Variants in HIPK2 observed in about 807,000 individuals in gnomAD.
HIPK2 encodes homeodomain-interacting protein kinase 2.
A neutral mutation model predicts 113.7 loss-of-function variants in HIPK2; 27 were observed. The observed-to-expected ratio is 0.24, with a 90% CI of 0.17 to 0.33. HIPK2 has a LOEUF of 0.33. Among genes scored for constraint, HIPK2 ranks in the 10% least tolerant of loss-of-function variants. HIPK2 has a pLI of 1.00. For synonymous variants in HIPK2, 631 were observed against 642.2 expected, an observed-to-expected ratio of 0.98 and a Z score of 0.26; for missense variants, 1,257 against 1,588.0, an observed-to-expected ratio of 0.79 and a Z score of 3.54.
chr7:139,573,772 T>C (rs934638958), intron 14 of HIPK2, among the ~76,000 whole-genome samples: 1 of 150,592 alleles, frequency 6.6e-6, no homozygotes, highest in Non-Finnish European at 1.5e-5. Context: ...CACTTGAACC[T>C]GGGAGGTAGA....
intron 1 of HIPK2, among the ~76,000 whole-genome samples, chr7:139,737,503 A>C (rs1264600670): frequency 1.3e-5 from 2 of 152,168 alleles, no homozygotes; most frequent in African/African-American, 2.4e-5. Flanking sequence ...AAATCACTGC[A>C]ATTTGCTCAT....
intron 1 of HIPK2, among the ~76,000 whole-genome samples, chr7:139,774,612 G>A (rs1249093998): frequency 2.0e-5 from 3 of 152,170 alleles, no homozygotes; most frequent in Non-Finnish European, 2.9e-5. Flanking sequence ...GCAGCAGACA[G>A]TTTTTGGAAG....
In HIPK2 at chr7:139,613,322, G is replaced by A. The variant is rs1169106559; in HGVS notation, c.1992C>T (p.Gly664=). The part of the protein sequence containing the change: ...ALIVCPPGFQ[G]LQASPSKHAG... Reference sequence around the variant, plus strand: ...CGTGCTTAGAGGGAGAGGCCTGCAAGCCTGTTCCAGACAGTGTGAGGGAGA... The same window carrying A: ...CGTGCTTAGAGGGAGAGGCCTGCAAACCTGTTCCAGACAGTGTGAGGGAGA... Residue 664 remains glycine (G), a splice_region_variant and synonymous_variant, in exon 9 of 15, where the codon GGC becomes GGT. Coordinates refer to ENST00000406875, the MANE Select transcript of HIPK2 (RefSeq NM_022740.5). This position sits in a 1 kb window ranked among gnomAD's most constrained non-coding sequence, Gnocchi z 4.2. 6.2e-7 allele frequency: 1 copy of A among 1,613,254 alleles called. No individual in the cohort carries two copies. Among genetic ancestry groups the A allele is most frequent in the Admixed American group, 1.7e-5 (1 of 59,952 alleles).
intron 2 of HIPK2, among the ~76,000 whole-genome samples, chr7:139,688,065 T>A (rs1228282406): frequency 6.6e-6 from 1 of 152,124 alleles, no homozygotes; most frequent in South Asian, 2.1e-4. Context: ...AGGCAGCCCA[T>A]TGGGCCTGCA....
Position 139,716,484 on chromosome 7 carries a change from T to C in HIPK2, c.551A>G (p.Tyr184Cys). The C allele has an allele frequency of 1.2e-6, 2 of 1,614,036 alleles. No individual in the cohort carries two copies. The highest frequency in any genetic ancestry group is 1.7e-6 in the Non-Finnish European group (2 of 1,179,892). Reference protein sequence around the residue: ...KNSGSNSEGDYQLVQHEVLCS... With the variant: ...KNSGSNSEGDCQLVQHEVLCS... ...CAGCACCTCATGCTGCACCAGCTGA[T>C]AGTCGCCCTCGCTGTTGGAGCCGCT... is the stretch of plus-strand genomic sequence containing the variant. The change falls in exon 2 of 15, where the codon TAT becomes TGT. Residue 184 changes from tyrosine (Y) to cysteine (C), a missense_variant. This residue lies in a region of HIPK2 where 78 missense variants were observed against 145.7 expected (regional missense o/e 0.54). Transcript: ENST00000406875. The surrounding 1 kb of genome is among the most constrained non-coding windows in gnomAD (Gnocchi z 9.3).
intron 2 of HIPK2, among the ~76,000 whole-genome samples, chr7:139,634,520 T>C (rs547674661): frequency 9.9e-5 from 15 of 152,136 alleles, no homozygotes; most frequent in African/African-American, 3.6e-4. Flanking sequence ...CCTGTGTCAG[T>C]GTTGGCCACA....
intron 1 of HIPK2, among the ~76,000 whole-genome samples, chr7:139,767,452 C>T (rs1284762337): frequency 1.3e-5 from 2 of 152,182 alleles, no homozygotes; most frequent in East Asian, 3.8e-4. Context: ...GGGAGCCTGG[C>T]TCTGTGGGTA....
At chr7:139,677,087 C>A (rs1478856856) in intron 2 of HIPK2, among the ~76,000 whole-genome samples, 5 of 151,990 alleles carry the variant, frequency 3.3e-5, no homozygotes, top group Admixed American at 2.6e-4. Context: ...TCTCGAACTC[C>A]TGACCTCAGG....
Position 139,678,428 on chromosome 7 carries a change from T to A in HIPK2, c.1103+37504A>T, listed in dbSNP as rs559407914. Among the ~76,000 whole-genome samples, 4 of 152,348 alleles carry A rather than the reference T, an allele frequency of 2.6e-5. No individual in the cohort carries two copies. In the East Asian group the frequency reaches 5.8e-4, roughly 22 times the overall value. The stretch of plus-strand genomic sequence containing the variant: ...AGTTTTCCCAACATCATTTATTAAA[T>A]AGGGAATCCTTCCCCACTGCTAGTT... On this transcript the variant is annotated intron_variant, in intron 2 of 14. Transcript: ENST00000406875.
chr7:139,617,523 A>G (rs1800098777), intron 7 of HIPK2, among the ~76,000 whole-genome samples: 1 of 152,250 alleles, frequency 6.6e-6, no homozygotes, highest in Admixed American at 6.5e-5. Context: ...AGGTCCAAAT[A>G]ATAGAATTCC....
chr7:139,631,161 C>T lies in HIPK2; in HGVS notation c.1347+4G>A, dbSNP rs1202715270. On this transcript the variant is annotated splice_donor_region_variant and intron_variant, in intron 4 of 14. Transcript: ENST00000406875. The surrounding 1 kb of genome is among the most constrained non-coding windows in gnomAD (Gnocchi z 4.9). ...GTGAGGAGTGGAGGAGACGCTCTTC[C>T]TACCTTCAGTCTCCACAAAGGATAT... 9.9e-6 allele frequency: 16 copies of T among 1,610,128 alleles called. No homozygotes were observed. Among genetic ancestry groups the T allele is most frequent in the Non-Finnish European group, 1.4e-5 (16 of 1,178,152 alleles).
Position 139,573,357 on chromosome 7 carries a change from C to T in HIPK2, c.3167G>A (p.Arg1056Gln), listed in dbSNP as rs764835080. 7 of 1,605,046 alleles carry T rather than the reference C, an allele frequency of 4.4e-6. No individual in the cohort carries two copies. In the South Asian group the frequency reaches 4.4e-5, roughly 10 times the overall value. The change falls in exon 15 of 15, where the codon CGA (arginine) becomes CAA (glutamine). Residue 1056 changes from arginine to glutamine, a missense_variant. By Grantham distance (43) the Arg-to-Gln change is conservative. This residue lies in a region of HIPK2 where 862 missense variants were observed against 1,004.3 expected (regional missense o/e 0.86). Transcript: ENST00000406875. ...GGGAGTGATGTAGGCCTGCTGCCTTCGGTGGCTCCCAGTGCGGTCCGTGGT... is the reference window on the plus strand; with the variant it reads ...GGGAGTGATGTAGGCCTGCTGCCTTTGGTGGCTCCCAGTGCGGTCCGTGGT... ...HITTDRTGSH[R>Q]RQQAYITPTM...
At position 139,569,879 on chromosome 7, in the gene HIPK2, A is replaced by C. The variant is rs903178859; in HGVS notation, c.*3048T>G. 10 of 152,186 alleles carry C rather than the reference A, an allele frequency of 6.6e-5. No homozygotes were observed. The highest frequency in any genetic ancestry group is 2.4e-4 in the African/African-American group (10 of 41,442). The allele number at this position is 152,186 out of a possible 1,614,324, so 9.4% of individuals were successfully genotyped here. A position where few individuals can be genotyped will look rare whatever the true frequency, so the allele number is the denominator to read the frequency against. On this transcript the variant is annotated 3_prime_UTR_variant, in exon 15 of 15. Coordinates refer to ENST00000406875, the MANE Select transcript of HIPK2 (RefSeq NM_022740.5). ...AAATGTGCATTTAAAACCCTGACTAAAATATCAACATAATGATCATAATTA... is the reference window on the plus strand; with the variant it reads ...AAATGTGCATTTAAAACCCTGACTACAATATCAACATAATGATCATAATTA...
In HIPK2 at chr7:139,572,898, T is replaced by TACCAA; in HGVS notation, c.*28_*29insTTGGT. 5.9e-5 allele frequency: 24 copies of TACCAA among 407,278 alleles called. 3 individuals are homozygous for TACCAA. The highest frequency in any genetic ancestry group is 1.1e-4 in the Non-Finnish European group (22 of 206,378). 25.2% of individuals were successfully genotyped at this position (407,278 alleles called of 1,614,324 possible). On this transcript the variant is annotated 3_prime_UTR_variant, in exon 15 of 15. Coordinates refer to ENST00000406875, the MANE Select transcript of HIPK2 (RefSeq NM_022740.5). Reference sequence around the variant, plus strand: ...CTCCTCCCTCGGGCCATTCTCTCCCTCCCTCCCTCCCTCCCTCCCCTCCAG... The same window carrying TACCAA: ...CTCCTCCCTCGGGCCATTCTCTCCCTACCAACCCTCCCTCCCTCCCTCCCCTCCAG...
At chr7:139,772,154 A>G (rs1350813809) in intron 1 of HIPK2, among the ~76,000 whole-genome samples, 1 of 152,160 alleles carries the variant, frequency 6.6e-6, no homozygotes, top group Non-Finnish European at 1.5e-5. Flanking sequence ...TTTTTCCACA[A>G]TTCCCTGAAT....
In HIPK2 at chr7:139,777,689, C is replaced by G; in HGVS notation, c.-66G>C. The G allele has an allele frequency of 1.8e-6, 2 of 1,083,504 alleles. No homozygotes were observed. Among genetic ancestry groups the G allele is most frequent in the Non-Finnish European group, 2.2e-6 (2 of 891,834 alleles). 67.1% of individuals were successfully genotyped at this position (1,083,504 alleles called of 1,614,324 possible). A position where few individuals can be genotyped will look rare whatever the true frequency, so the allele number is the denominator to read the frequency against. On this transcript the variant is annotated 5_prime_UTR_variant, in exon 1 of 15. Coordinates refer to ENST00000406875, the MANE Select transcript of HIPK2 (RefSeq NM_022740.5). ...AAAGCGGCGCGCGAGCTCGGCCCCC[C>G]CAGCCTCAGTCGGAATCTGCCATCT... is the stretch of plus-strand genomic sequence containing the variant.
chr7:139,612,870 AAG>A (rs1799887351), intron 9 of HIPK2, among the ~76,000 whole-genome samples: 2 of 152,204 alleles, frequency 1.3e-5, no homozygotes. Flanking sequence ...ATTTGAGGCA[AAG>A]AGATATTAAC....
chr7:139,708,439 A>G (rs1255291227), intron 2 of HIPK2, among the ~76,000 whole-genome samples: 1 of 152,118 alleles, frequency 6.6e-6, no homozygotes, highest in Non-Finnish European at 1.5e-5. Flanking sequence ...CCCCACCCCC[A>G]GAGGGCCTGC....
At position 139,626,763 on chromosome 7, in the gene HIPK2, T is replaced by C. The variant is rs760581872; in HGVS notation, c.1457A>G (p.Glu486Gly). 3 of 1,613,948 alleles carry C rather than the reference T, an allele frequency of 1.9e-6. No homozygotes were observed. Among genetic ancestry groups the C allele is most frequent in the Non-Finnish European group, 2.5e-6 (3 of 1,179,884 alleles). ...CTTTTCTACCAACATGTCGCTCCCT[T>C]CCAAATCTGTCGTCATGTTCACCTG... Reference protein sequence around the residue: ...MAQVNMTTDLEGSDMLVEKAD... With the variant: ...MAQVNMTTDLGGSDMLVEKAD... The change falls in exon 6 of 15, where the codon GAA becomes GGA. Residue 486 changes from glutamate to glycine, a missense_variant. Around this residue, in one of 5 missense-constraint regions of HIPK2, gnomAD observed 862 missense variants for 1,004.3 expected, o/e 0.86. Transcript: ENST00000406875.
Sources: gnomAD v4.1 joint callset for allele counts (sites outside exome capture counted in the v4.1 genomes callset) on GRCh38, gnomAD v4.1.1 for gene constraint, gnomAD v4.1.1 regional missense constraint, Gnocchi (gnomAD v3.1) non-coding constraint, MANE v1.5 for transcripts, NCBI Gene and HGNC (gene_info 2026-07-23, HGNC 2026-07-21) for gene names.